PTPRS: variants seen among roughly 807,000 people sequenced by gnomAD.
The protein encoded by PTPRS is protein tyrosine phosphatase receptor type S, also known as receptor-type tyrosine-protein phosphatase S.
Under a neutral mutation model 215.3 loss-of-function variants are expected in PTPRS, and 63 were observed. That is an observed-to-expected ratio of 0.29 (90% CI 0.24 to 0.36). The LOEUF is 0.36. PTPRS is among the 10% of genes least tolerant of loss of function. The pLI is 1.00. For missense variants in PTPRS, 2,258 were observed against 2,825.8 expected, an observed-to-expected ratio of 0.80 and a Z score of 4.56; for synonymous variants, 1,404 against 1,191.4, an observed-to-expected ratio of 1.18 and a Z score of -3.68.
rs1308497229 is a variant in PTPRS at position 5,283,706 on chromosome 19, A to G, written c.91+2344T>C. On this transcript the variant is annotated intron_variant, in intron 2 of 37. Coordinates refer to ENST00000262963, the MANE Select transcript of PTPRS (RefSeq NM_002850.4). ...GCCAGACAGATCACAGTGCAGCTATACCTGGCTTCTGGTCCCTGAGGGAGT... is the reference window on the plus strand; with the variant it reads ...GCCAGACAGATCACAGTGCAGCTATGCCTGGCTTCTGGTCCCTGAGGGAGT... Among the ~76,000 whole-genome samples the G allele has an allele frequency of 2.0e-5, 3 of 152,120 alleles. No individual in the cohort carries two copies. The East Asian group carries it at 5.8e-4, about 29-fold the overall frequency.
At position 5,208,108 on chromosome 19, in the gene PTPRS, C is replaced by T. The variant is rs2040535011; in HGVS notation, c.5643-51G>A. 6 of 1,590,518 alleles carry T rather than the reference C, an allele frequency of 3.8e-6. No individual in the cohort carries two copies. The Admixed American group carries it at 8.5e-5, about 23-fold the overall frequency. ...CATTCAGGGGCAGGTGCTGGGGAGCCCTGATCTGACCACCCGATTCCCCGA... is the reference window on the plus strand; with the variant it reads ...CATTCAGGGGCAGGTGCTGGGGAGCTCTGATCTGACCACCCGATTCCCCGA... On this transcript the variant is annotated intron_variant, in intron 36 of 37. Transcript: ENST00000262963.
chr19:5,229,337 C>T lies in PTPRS; in HGVS notation c.2355G>A (p.Glu785=). The change falls in exon 16 of 38, where the codon GAG becomes GAA. Residue 785 remains glutamate, a synonymous_variant. Coordinates refer to ENST00000262963, the MANE Select transcript of PTPRS (RefSeq NM_002850.4). ...KDVMLADAQW[E]TDDTAEYEMV... The stretch of plus-strand genomic sequence containing the variant: ...TTACATATTCGGCCGTGTCATCCGT[C>T]TCCCACTGAGCGCGGGAGGAGGCGG... The T allele has an allele frequency of 7.2e-7, 1 of 1,383,758 alleles. No homozygotes were observed. Among genetic ancestry groups the T allele is most frequent in the Non-Finnish European group, 9.4e-7 (1 of 1,064,156 alleles). 85.7% of individuals were successfully genotyped at this position (1,383,758 alleles called of 1,614,324 possible). A position where few individuals can be genotyped will look rare whatever the true frequency, so the allele number is the denominator to read the frequency against.
Position 5,263,133 on chromosome 19 carries a change from G to A in PTPRS, c.569-161C>T, listed in dbSNP as rs150515921. On this transcript the variant is annotated intron_variant, in intron 5 of 37. Transcript: ENST00000262963. ...TCTTATGATTCCTAAAGTGGCTTAT[G>A]TTCACTGAGCACCTAGCAGGCGCTA... 5.6e-3 allele frequency among the ~76,000 whole-genome samples: 856 copies of A among 152,186 alleles called. 7 individuals are homozygous for A. The highest frequency in any genetic ancestry group is 0.02 in the African/African-American group (834 of 41,482).
chr19:5,305,551 A>T (rs1473593174), intron 1 of PTPRS, among the ~76,000 whole-genome samples: 1 of 149,914 alleles, frequency 6.7e-6, no homozygotes, highest in African/African-American at 2.5e-5. Context: ...CCTATCTCAG[A>T]CAAACAAACA....
Position 5,206,498 on chromosome 19 carries a change from C to T in PTPRS, c.*276G>A. On this transcript the variant is annotated 3_prime_UTR_variant, in exon 38 of 38. Coordinates refer to ENST00000262963, the MANE Select transcript of PTPRS (RefSeq NM_002850.4). The stretch of plus-strand genomic sequence containing the variant: ...CTCCTATTTGCTCACCATCCCCCCA[C>T]CCCCCACCCCGGAATCTGGTTTTGG... The T allele has an allele frequency of 2.9e-6, 1 of 346,336 alleles. No homozygotes were observed. The highest frequency in any genetic ancestry group is 5.5e-6 in the Non-Finnish European group (1 of 181,088). The allele number at this position is 346,336 out of a possible 1,614,324, so 21.5% of individuals were successfully genotyped here. A position where few individuals can be genotyped will look rare whatever the true frequency, so the allele number is the denominator to read the frequency against.
chr19:5,242,493 G>C (rs1256592896), intron 11 of PTPRS, among the ~76,000 whole-genome samples: 4 of 150,276 alleles, frequency 2.7e-5, no homozygotes, highest in African/African-American at 7.3e-5. Context: ...TCAGCCTCCT[G>C]AGTAGCTGGA....
intron 13 of PTPRS, 115 bp downstream of exon 13, chr19:5,238,804 G>A: frequency 7.3e-7 from 1 of 1,363,550 alleles, no homozygotes; most frequent in Non-Finnish European, 9.6e-7. Context: ...AGACAGGCCG[G>A]GAGGCGCCCC....
At chr19:5,340,627 C>G (rs2050663997) in intron 1 of PTPRS, 37 bp downstream of exon 1, 1 of 150,498 alleles carries the variant, frequency 6.6e-6, no homozygotes, top group Non-Finnish European at 1.5e-5. Flanking sequence ...TTTTTTTTTC[C>G]TCTAATCCAT....
At chr19:5,250,609 G>T (rs1209677649) in intron 9 of PTPRS, among the ~76,000 whole-genome samples, 1 of 54,288 alleles carries the variant, frequency 1.8e-5, no homozygotes. Context: ...GTAGCCGGGG[G>T]GTCCCAGCGG....
At chr19:5,305,766 T>TATATATA (rs372468377) in intron 1 of PTPRS, among the ~76,000 whole-genome samples, 171 of 109,738 alleles carry the variant, frequency 1.6e-3, no homozygotes, top group African/African-American at 1.9e-3. Context: ...TATATATATA[T>TATATATA]TTTTTTTTTA....
At chr19:5,264,870 C>T (rs1237829280) in intron 5 of PTPRS, 138 bp downstream of exon 5, 2 of 1,012,874 alleles carry the variant, frequency 2.0e-6, no homozygotes, top group Admixed American at 2.7e-5. Context: ...CCCCCACTCC[C>T]CCAGAGCCAA....
chr19:5,206,607 G>GGGGGGGCTC lies in PTPRS; in HGVS notation c.*158_*166dup, dbSNP rs1158559212. On this transcript the variant is annotated 3_prime_UTR_variant, in exon 38 of 38. Coordinates refer to ENST00000262963, the MANE Select transcript of PTPRS (RefSeq NM_002850.4). ...GGTCGCTGGGGCGGCCGGGGCCGGT[G>GGGGGGGCTC]GGGGGGCTCGAGGGGCTGCGTCGTC... 3.5e-6 allele frequency: 2 copies of GGGGGGGCTC among 577,278 alleles called. No homozygotes were observed. The highest frequency in any genetic ancestry group is 3.2e-5 in the East Asian group (1 of 31,506). The allele number at this position is 577,278 out of a possible 1,614,324, so 35.8% of individuals were successfully genotyped here.
Position 5,225,715 on chromosome 19 carries a change from C to A in PTPRS, c.2494+12G>T. ...GGGCTGTTGGTGGGTGGGAGGAGGGCGGGTTGCATACCTGCTCCCTTGGTC... is the reference window on the plus strand; with the variant it reads ...GGGCTGTTGGTGGGTGGGAGGAGGGAGGGTTGCATACCTGCTCCCTTGGTC... On this transcript the variant is annotated intron_variant, in intron 17 of 37. Coordinates refer to ENST00000262963, the MANE Select transcript of PTPRS (RefSeq NM_002850.4). The A allele has an allele frequency of 4.4e-6, 7 of 1,603,646 alleles. No individual in the cohort carries two copies. The highest frequency in any genetic ancestry group is 6.0e-6 in the Non-Finnish European group (7 of 1,171,486).
chr19:5,334,115 G>C (rs539703710), intron 1 of PTPRS, among the ~76,000 whole-genome samples: 2 of 152,310 alleles, frequency 1.3e-5, no homozygotes, highest in South Asian at 2.1e-4. Flanking sequence ...TTCAGCTCCC[G>C]CCAGTCGCCC....
chr19:5,271,914 G>A (rs1409290013), intron 4 of PTPRS, among the ~76,000 whole-genome samples: 7 of 149,498 alleles, frequency 4.7e-5, no homozygotes, highest in Non-Finnish European at 5.9e-5. Context: ...TAGTAGAGAC[G>A]GGCTTTTACC....
chr19:5,267,518 A>T (rs540074077), intron 4 of PTPRS, among the ~76,000 whole-genome samples: 1 of 151,898 alleles, frequency 6.6e-6, no homozygotes. Context: ...TTAGCCAGGC[A>T]TGGTGGCGGA....
At chr19:5,319,284 G>A (rs1027468096) in intron 1 of PTPRS, among the ~76,000 whole-genome samples, 4 of 152,016 alleles carry the variant, frequency 2.6e-5, no homozygotes, top group Admixed American at 6.6e-5. Flanking sequence ...GGTGGTGTGC[G>A]CCTGTAGTTC....
In PTPRS at chr19:5,222,201, C is replaced by T. The variant is rs1409283554; in HGVS notation, c.3123G>A (p.Lys1041=). 1.9e-6 allele frequency: 3 copies of T among 1,613,780 alleles called. No homozygotes were observed. The highest frequency in any genetic ancestry group is 2.5e-6 in the Non-Finnish European group (3 of 1,179,962). Residue 1041 remains lysine (K), a synonymous_variant, in exon 19 of 38, where the codon AAG becomes AAA. Coordinates refer to ENST00000262963, the MANE Select transcript of PTPRS (RefSeq NM_002850.4). The part of the protein sequence containing the change: ...LRDQVSPKNF[K]VKMIMKTSVL... ...CTGATGTCTTCATGATCATTTTCAC[C>T]TTGAAGTTCTTGGGCGAGACTGCCG...
At chr19:5,274,525 G>A (rs911494317) in intron 2 of PTPRS, among the ~76,000 whole-genome samples, 181 bp from the exon 3 acceptor site, 4 of 151,868 alleles carry the variant, frequency 2.6e-5, no homozygotes, top group East Asian at 1.9e-4. Flanking sequence ...CCCCCACCAC[G>A]GCACCCATGG....
Sources: gnomAD v4.1 joint callset for allele counts (sites outside exome capture counted in the v4.1 genomes callset) on GRCh38, gnomAD v4.1.1 for gene constraint, MANE v1.5 for transcripts, NCBI Gene and HGNC (gene_info 2026-07-23, HGNC 2026-07-21) for gene names.